PLPP4: variants seen among roughly 807,000 people sequenced by gnomAD.
PLPP4 encodes the protein phospholipid phosphatase 4, also known as diacylglycerol pyrophosphate like 2.
PLPP4 carries 20 observed loss-of-function variants against 32.2 expected under a neutral mutation model. The observed-to-expected ratio is 0.62, with a 90% CI of 0.44 to 0.90. PLPP4 has a LOEUF of 0.90. Ranked by LOEUF, PLPP4 falls within the 40% of genes least tolerant of loss-of-function variation. The pLI is 0.00. For synonymous variants in PLPP4, 127 were observed against 133.0 expected (o/e 0.95, Z 0.31); for missense variants, 257 against 353.1 (o/e 0.73, Z 2.18).
chr10:120,457,788 A>G (rs1235817378), intron 1 of PLPP4, among the ~76,000 whole-genome samples: 3 of 152,076 alleles, frequency 2.0e-5, no homozygotes, highest in African/African-American at 4.8e-5. Context: ...CGCTGTGCCC[A>G]GGGCCAGACT....
intron 2 of PLPP4, among the ~76,000 whole-genome samples, chr10:120,508,394 G>A (rs17100287): frequency 0.066 from 10,046 of 152,152 alleles, 428 homozygotes; most frequent in South Asian, 0.17. Flanking sequence ...AGAAATGAAG[G>A]CACTTTGGGC....
intron 2 of PLPP4, among the ~76,000 whole-genome samples, chr10:120,508,040 C>T (rs747227843): frequency 1.3e-5 from 2 of 152,190 alleles, no homozygotes; most frequent in African/African-American, 2.4e-5. Context: ...TCTTTGCCCT[C>T]TTCTCTTTTT....
chr10:120,486,812 G>A (rs1048538862), intron 1 of PLPP4, among the ~76,000 whole-genome samples: 4 of 152,186 alleles, frequency 2.6e-5, no homozygotes, highest in Non-Finnish European at 4.4e-5. Context: ...ATGGTGTGAC[G>A]AGCTTGTTAG....
chr10:120,558,480 G>A (rs899846027), intron 5 of PLPP4, among the ~76,000 whole-genome samples: 2 of 150,160 alleles, frequency 1.3e-5, no homozygotes, highest in Admixed American at 6.7e-5. Context: ...ACAATCTCAG[G>A]TCACTGCGAC....
At chr10:120,581,022 A>G (rs1166203651) in intron 6 of PLPP4, 2 of 1,289,302 alleles carry the variant, frequency 1.6e-6, no homozygotes, top group South Asian at 2.5e-5. Context: ...GTTGGTGCCT[A>G]GGAGAGCGTA....
chr10:120,538,879 T>A (rs1158904632), intron 5 of PLPP4, among the ~76,000 whole-genome samples: 1 of 152,212 alleles, frequency 6.6e-6, no homozygotes, highest in African/African-American at 2.4e-5. Context: ...GGCAATAGTT[T>A]GTCTCAATCT....
At chr10:120,580,909 G>T in intron 6 of PLPP4, 1 of 1,289,300 alleles carries the variant, frequency 7.8e-7, no homozygotes, top group Non-Finnish European at 1.0e-6. Context: ...TGGCTGCTGT[G>T]TATGGCAGGG....
intron 1 of PLPP4, among the ~76,000 whole-genome samples, chr10:120,461,789 A>G (rs780965741): frequency 6.6e-6 from 1 of 152,154 alleles, no homozygotes; most frequent in Non-Finnish European, 1.5e-5. Context: ...TTCATTGTTC[A>G]TCCACTTGAT....
At chr10:120,482,176 A>G (rs1434886715) in intron 1 of PLPP4, among the ~76,000 whole-genome samples, 1 of 152,222 alleles carries the variant, frequency 6.6e-6, no homozygotes. Flanking sequence ...AAAAATGTGG[A>G]AGCGACTTTG....
chr10:120,494,549 T>G (rs1351104586), intron 1 of PLPP4, among the ~76,000 whole-genome samples: 1 of 152,152 alleles, frequency 6.6e-6, no homozygotes, highest in Non-Finnish European at 1.5e-5. Context: ...TGCATCTGAG[T>G]TGGGAGGCTT....
At chr10:120,547,385 T>C (rs908986267) in intron 5 of PLPP4, among the ~76,000 whole-genome samples, 2 of 152,190 alleles carry the variant, frequency 1.3e-5, no homozygotes, top group African/African-American at 2.4e-5. Flanking sequence ...CAAGCGATGC[T>C]TCCCATCCTC....
chr10:120,476,812 GAGT>G (rs1564782614), intron 1 of PLPP4, among the ~76,000 whole-genome samples: 1 of 152,204 alleles, frequency 6.6e-6, no homozygotes, highest in Non-Finnish European at 1.5e-5. Context: ...AATGCTAGCA[GAGT>G]AGTACCTGGC....
chr10:120,579,858 A>C (rs1465717172), intron 6 of PLPP4, among the ~76,000 whole-genome samples: 1 of 151,832 alleles, frequency 6.6e-6, no homozygotes, highest in East Asian at 1.9e-4. Flanking sequence ...CTGTAATCCC[A>C]GCACTTTGGG....
chr10:120,564,949 T>C lies in PLPP4; in HGVS notation c.446-10182T>C, dbSNP rs570431186. On this transcript the variant is annotated intron_variant, in intron 5 of 6. Transcript: ENST00000398250. ...ATATTCTTTATATACTTCTTTGTCC[T>C]TTCTTATACTGTTTTTATGTCTGAA... 3.3e-4 allele frequency among the ~76,000 whole-genome samples: 51 copies of C among 152,274 alleles called. No individual in the cohort carries two copies. The East Asian group carries it at 6.0e-3, about 18-fold the overall frequency.
chr10:120,480,994 T>C (rs927739341), intron 1 of PLPP4, among the ~76,000 whole-genome samples: 2 of 152,200 alleles, frequency 1.3e-5, no homozygotes, highest in Non-Finnish European at 2.9e-5. Flanking sequence ...CCAGTGTCTG[T>C]CTGATTGTAC....
chr10:120,551,008 T>C (rs971899368), intron 5 of PLPP4, among the ~76,000 whole-genome samples: 20 of 152,100 alleles, frequency 1.3e-4, no homozygotes, highest in Admixed American at 6.6e-5. Context: ...AAAGGACTTG[T>C]GCATTCATAT....
intron 5 of PLPP4, among the ~76,000 whole-genome samples, chr10:120,563,454 A>G (rs1255385870): frequency 2.0e-5 from 3 of 152,146 alleles, no homozygotes; most frequent in Admixed American, 6.5e-5. Context: ...TGTCCATGAA[A>G]ATGTGGTCCT....
intron 1 of PLPP4, among the ~76,000 whole-genome samples, chr10:120,473,761 T>C (rs1041973043): frequency 6.6e-6 from 1 of 152,000 alleles, no homozygotes; most frequent in African/African-American, 2.4e-5. Context: ...GAGTGGCACT[T>C]CCCCCTTCAC....
At chr10:120,563,410 T>C (rs1197300340) in intron 5 of PLPP4, among the ~76,000 whole-genome samples, 2 of 152,198 alleles carry the variant, frequency 1.3e-5, no homozygotes, top group African/African-American at 2.4e-5. Flanking sequence ...TCTATGTGAG[T>C]TGATTTATTT....
Sources: allele counts gnomAD v4.1 joint callset (sites outside exome capture counted in the v4.1 genomes callset), GRCh38; gene constraint gnomAD v4.1.1; transcripts MANE v1.5; gene names NCBI Gene and HGNC (gene_info 2026-07-23, HGNC 2026-07-21).